Variants in IL19 observed in about 807,000 individuals in gnomAD.
IL19 encodes the protein interleukin 19.
A neutral mutation model predicts 19.5 loss-of-function variants in IL19; 15 were observed. That is an observed-to-expected ratio of 0.77 (90% CI 0.52 to 1.19). The LOEUF is 1.19. IL19 is among the 50% of genes most tolerant of loss of function. The pLI, the probability that IL19 is intolerant of heterozygous loss-of-function variation, is 0.00. For missense variants in IL19, 199 were observed against 213.1 expected, an observed-to-expected ratio of 0.93 and a Z score of 0.41; for synonymous variants, 78 against 78.3, an observed-to-expected ratio of 1.00 and a Z score of 0.02.
intron 2 of IL19, 73 bp from the exon 3 acceptor site, chr1:206,836,588 C>T (rs879357180): frequency 8.7e-6 from 12 of 1,384,098 alleles, no homozygotes; most frequent in East Asian, 6.9e-5. Context: ...TGGAAAGGAG[C>T]GTCAATCAGG....
rs148492891 is a variant in IL19, at chr1:206,809,906, A to G, written c.-3+10900A>G. Among the ~76,000 whole-genome samples, 252 of 152,342 alleles carry G rather than the reference A, an allele frequency of 1.7e-3. 3 individuals are homozygous for G. Among genetic ancestry groups the G allele is most frequent in the African/African-American group, 5.9e-3 (245 of 41,586 alleles). Reference sequence around the variant, plus strand: ...GCAATCACCACCAGGTGTGGAATCAACCATCCCAACCACGTTTGTGAAAAA... The same window carrying G: ...GCAATCACCACCAGGTGTGGAATCAGCCATCCCAACCACGTTTGTGAAAAA... On this transcript the variant is annotated intron_variant, in intron 2 of 6. Transcript: ENST00000659997.
chr1:206,819,454 T>G (rs1676240745), intron 2 of IL19, among the ~76,000 whole-genome samples: 1 of 151,676 alleles, frequency 6.6e-6, no homozygotes, highest in Non-Finnish European at 1.5e-5. Flanking sequence ...TGTGTTGGTG[T>G]GTGCCTGTAG....
intron 2 of IL19, among the ~76,000 whole-genome samples, chr1:206,831,926 C>T (rs1370338289): frequency 6.6e-6 from 1 of 152,248 alleles, no homozygotes; most frequent in South Asian, 2.1e-4. Flanking sequence ...GAACATATAG[C>T]CTGAGCACAA....
intron 1 of IL19, among the ~76,000 whole-genome samples, chr1:206,781,904 CATATATATGTATATAGTTAT>C (rs1675145597): frequency 8.3e-6 from 1 of 120,174 alleles, no homozygotes; most frequent in African/African-American, 3.7e-5. Context: ...GTTATATATA[CATATATATGTATATAGTTAT>C]ATATACATAT....
intron 2 of IL19, chr1:206,828,848 C>G (rs937032927): frequency 2.0e-5 from 3 of 151,728 alleles, no homozygotes; most frequent in Non-Finnish European, 4.4e-5. Flanking sequence ...TTTATTTTCC[C>G]GCAGACAGGG....
intron 2 of IL19, among the ~76,000 whole-genome samples, chr1:206,824,330 A>G (rs1558618797): frequency 1.3e-5 from 2 of 152,198 alleles, no homozygotes; most frequent in African/African-American, 4.8e-5. Context: ...CCCTGTTGAC[A>G]TGGAATTCCG....
intron 1 of IL19, among the ~76,000 whole-genome samples, chr1:206,789,097 T>A (rs1013762671): frequency 6.6e-6 from 1 of 152,194 alleles, no homozygotes; most frequent in South Asian, 2.1e-4. Context: ...AGAAAGAGAT[T>A]GTTTCAAGGA....
chr1:206,773,370 T>C (rs1674909944), intron 1 of IL19, among the ~76,000 whole-genome samples: 1 of 152,206 alleles, frequency 6.6e-6, no homozygotes, highest in Non-Finnish European at 1.5e-5. Context: ...CTCCAGCACA[T>C]AGAATGAAAC....
At chr1:206,833,212 A>C (rs1676670270) in intron 2 of IL19, among the ~76,000 whole-genome samples, 1 of 152,280 alleles carries the variant, frequency 6.6e-6, no homozygotes, top group African/African-American at 2.4e-5. Context: ...CCATGAGCTG[A>C]CAGAGGAGAG....
intron 2 of IL19, among the ~76,000 whole-genome samples, chr1:206,802,929 C>A (rs11119593): frequency 0.013 from 2,025 of 152,296 alleles, 47 homozygotes; most frequent in African/African-American, 0.046. Context: ...AATAAGGGGC[C>A]TGGCCAATAT....
Position 206,836,991 on chromosome 1 carries a change from C to A in IL19, c.178C>A (p.Leu60Met). 6.2e-7 allele frequency: 1 copy of A among 1,613,942 alleles called. No individual in the cohort carries two copies. The highest frequency in any genetic ancestry group is 8.5e-7 in the Non-Finnish European group (1 of 1,179,820). The change falls in exon 4 of 7, where the codon CTG becomes ATG. Residue 60 changes from leucine to methionine, a missense_variant. Coordinates refer to ENST00000659997, the MANE Select transcript of IL19 (RefSeq NM_153758.5). Reference sequence around the variant, plus strand: ...GGACACCTTCCCAAATGTCACTATCCTGTCCACATTGGAGACTCTGCAGAT... The same window carrying A: ...GGACACCTTCCCAAATGTCACTATCATGTCCACATTGGAGACTCTGCAGAT... ...AKDTFPNVTILSTLETLQIIK... is the reference protein window; with the variant it reads ...AKDTFPNVTIMSTLETLQIIK...
chr1:206,793,265 C>T (rs1043568295), intron 1 of IL19, among the ~76,000 whole-genome samples: 2 of 152,192 alleles, frequency 1.3e-5, no homozygotes, highest in African/African-American at 4.8e-5. Context: ...TCTCTGAGGA[C>T]TTTGGGGGTA....
At chr1:206,806,908 G>A (rs1044211769) in intron 2 of IL19, among the ~76,000 whole-genome samples, 4 of 152,058 alleles carry the variant, frequency 2.6e-5, no homozygotes, top group Non-Finnish European at 5.9e-5. Context: ...TAATTTTAAA[G>A]CTTCTTATGG....
In IL19 at chr1:206,801,281, G is replaced by A. The variant is rs531149842; in HGVS notation, c.-3+2275G>A. Among the ~76,000 whole-genome samples the A allele has an allele frequency of 2.6e-5, 4 of 152,246 alleles. No homozygotes were observed. The East Asian group carries it at 5.8e-4, about 22-fold the overall frequency. On this transcript the variant is annotated intron_variant, in intron 2 of 6. Transcript: ENST00000659997. The stretch of plus-strand genomic sequence containing the variant: ...TGATATGAGTGGGACTAGAGATGAG[G>A]GATTTCCATGGACTGCTCCTGCTCT...
At chr1:206,840,044 G>A in intron 5 of IL19, 42 bp downstream of exon 5, 1 of 1,611,768 alleles carries the variant, frequency 6.2e-7, no homozygotes, top group South Asian at 1.1e-5. Context: ...CTCCCTGTCT[G>A]CCCAAGGAGA....
intron 1 of IL19, among the ~76,000 whole-genome samples, chr1:206,791,197 G>C (rs1362289170): frequency 2.0e-5 from 3 of 152,048 alleles, no homozygotes; most frequent in Non-Finnish European, 4.4e-5. Context: ...CAACTGTAGA[G>C]TTAGACAGAG....
Position 206,842,572 on chromosome 1 carries a change from G to T in IL19, c.484G>T (p.Val162Phe). The change falls in exon 7 of 7, where the codon GTC (valine) becomes TTC (phenylalanine). Residue 162 changes from valine (V) to phenylalanine (F), a missense_variant. Coordinates refer to ENST00000659997, the MANE Select transcript of IL19 (RefSeq NM_153758.5). ...CATTAAATCCCTGGGAGAGCTCGAC[G>T]TCTTTCTAGCCTGGATTAATAAGAA... ...AAIKSLGELD[V>F]FLAWINKNHE... 4 of 1,577,322 alleles carry T rather than the reference G, an allele frequency of 2.5e-6. No individual in the cohort carries two copies. Among genetic ancestry groups the T allele is most frequent in the Non-Finnish European group, 1.7e-6 (2 of 1,159,432 alleles).
chr1:206,771,438 A>G, intron 1 of IL19: 1 of 1,585,976 alleles, frequency 6.3e-7, no homozygotes, highest in Non-Finnish European at 8.6e-7. Context: ...CAAAAGGAGA[A>G]TGAACTTGAG....
chr1:206,839,861 G>A lies in IL19; in HGVS notation c.222G>A (p.Val74=), dbSNP rs114150539. The part of the protein sequence containing the change: ...ETLQIIKPLD[V]CCVTKNLLAF... ...ATTTGTGTTTGTAGCCCTTAGATGT[G>A]TGCTGCGTGACCAAGAACCTCCTGG... The change falls in exon 5 of 7, where the codon GTG becomes GTA. Residue 74 remains valine, a synonymous_variant. Coordinates refer to ENST00000659997, the MANE Select transcript of IL19 (RefSeq NM_153758.5). The A allele has an allele frequency of 6.8e-6, 11 of 1,613,462 alleles. No homozygotes were observed. The South Asian group carries it at 8.8e-5, about 13-fold the overall frequency.
Sources: gnomAD v4.1 joint callset for allele counts (sites outside exome capture counted in the v4.1 genomes callset) on GRCh38, gnomAD v4.1.1 for gene constraint, MANE v1.5 for transcripts, NCBI Gene and HGNC (gene_info 2026-07-23, HGNC 2026-07-21) for gene names.